ITGB2: variants seen among roughly 807,000 people sequenced by gnomAD.
The protein encoded by ITGB2 is integrin subunit beta 2.
ITGB2 carries 56 observed loss-of-function variants against 86.8 expected under a neutral mutation model. That is an observed-to-expected ratio of 0.65 (90% CI 0.52 to 0.81). The LOEUF (loss-of-function observed/expected upper bound fraction) is 0.81, where lower values mean the gene tolerates loss of function less well. Ranked by LOEUF, ITGB2 falls within the 30% of genes least tolerant of loss-of-function variation. The probability of loss-of-function intolerance (pLI) is 0.00; values close to 1 mark genes in which losing one functional copy is unlikely to be tolerated. For synonymous variants in ITGB2, 457 were observed against 450.4 expected (o/e 1.01, Z -0.19); for missense variants, 948 against 1,061.2 (o/e 0.89, Z 1.48).
chr21:44,894,784 C>T (rs2083839501), intron 9 of ITGB2, 187 bp downstream of exon 9: 1 of 651,806 alleles, frequency 1.5e-6, no homozygotes, highest in South Asian at 1.6e-5. Context: ...ACCCAGAGCT[C>T]CCCGTGGAAG....
intron 5 of ITGB2, among the ~76,000 whole-genome samples, 192 bp downstream of exon 5, chr21:44,903,173 C>G (rs955178969): frequency 6.6e-6 from 1 of 152,142 alleles, no homozygotes; most frequent in Non-Finnish European, 1.5e-5. Flanking sequence ...TGTTGGGGAG[C>G]CAGGGACTGG....
At chr21:44,907,599 C>G (rs962484082) in intron 3 of ITGB2, among the ~76,000 whole-genome samples, 1 of 152,258 alleles carries the variant, frequency 6.6e-6, no homozygotes, top group Non-Finnish European at 1.5e-5. Context: ...GGGCCCAGGG[C>G]GCTTTCCTCT....
intron 7 of ITGB2, 81 bp downstream of exon 7, chr21:44,900,239 T>C: frequency 6.4e-7 from 1 of 1,556,990 alleles, no homozygotes; most frequent in Non-Finnish European, 8.9e-7. Flanking sequence ...GGAGGCTCTG[T>C]CAGGTGGAGA....
intron 4 of ITGB2, among the ~76,000 whole-genome samples, chr21:44,903,950 G>C (rs2084004701): frequency 6.6e-6 from 1 of 152,136 alleles, no homozygotes; most frequent in African/African-American, 2.4e-5. Context: ...GCACTTCCCA[G>C]CAAGGCCCAC....
At chr21:44,908,573 CCCCTTAGAGTTGTAAG>C (rs988861860) in intron 3 of ITGB2, among the ~76,000 whole-genome samples, 4 of 151,996 alleles carry the variant, frequency 2.6e-5, no homozygotes, top group African/African-American at 9.7e-5. Flanking sequence ...TTCATGTGGA[CCCCTTAGAGTTGTAAG>C]CCCTTAAAAG....
intron 4 of ITGB2, 102 bp downstream of exon 4, chr21:44,906,813 C>A (rs945508697): frequency 3.4e-5 from 43 of 1,282,088 alleles, no homozygotes; most frequent in Non-Finnish European, 4.7e-5. Flanking sequence ...CGGACACATG[C>A]CTTCTGGGCA....
chr21:44,920,269 C>G (rs1055764190), intron 1 of ITGB2, among the ~76,000 whole-genome samples: 2 of 152,104 alleles, frequency 1.3e-5, no homozygotes, highest in African/African-American at 4.8e-5. Flanking sequence ...CGCTATGCCA[C>G]ACACGTGCAC....
chr21:44,902,587 G>A (rs936992384), intron 5 of ITGB2, among the ~76,000 whole-genome samples: 1 of 152,092 alleles, frequency 6.6e-6, no homozygotes, highest in African/African-American at 2.4e-5. Context: ...GCTTTTGTGT[G>A]TGAGCATGCA....
At chr21:44,920,434 G>A (rs536973982) in intron 1 of ITGB2, among the ~76,000 whole-genome samples, 3 of 152,324 alleles carry the variant, frequency 2.0e-5, no homozygotes, top group Admixed American at 1.3e-4. Flanking sequence ...AACACAGGCA[G>A]GCGCAGCAGG....
rs531705977 is a variant in ITGB2, at chr21:44,890,939, G to A, written c.1413-717C>T. ...GTGGGCGGGGTGGCCACTGAGGCAC[G>A]AGGACAGCAACAGAGACCACCAAGA... On this transcript the variant is annotated intron_variant, in intron 11 of 15. Transcript: ENST00000652462. Among the ~76,000 whole-genome samples, 54 of 152,196 alleles carry A rather than the reference G, an allele frequency of 3.5e-4. No homozygotes were observed. In the South Asian group the frequency reaches 7.7e-3, roughly 22 times the overall value.
chr21:44,891,514 G>T (rs1042703228), intron 11 of ITGB2, among the ~76,000 whole-genome samples: 5 of 152,216 alleles, frequency 3.3e-5, no homozygotes, highest in Non-Finnish European at 7.3e-5. Flanking sequence ...CCATCCTCTG[G>T]TGAGGGGGTC....
At chr21:44,898,928 G>A (rs2083907117) in intron 8 of ITGB2, 139 bp downstream of exon 8, 1 of 742,662 alleles carries the variant, frequency 1.3e-6, no homozygotes, top group South Asian at 1.5e-5. Context: ...TCACCTAGGG[G>A]GATCCAGGAC....
At chr21:44,917,207 T>C (rs1250536621) in intron 1 of ITGB2, among the ~76,000 whole-genome samples, 3 of 152,308 alleles carry the variant, frequency 2.0e-5, no homozygotes, top group Admixed American at 2.0e-4. Flanking sequence ...GTAAGATGCT[T>C]TGGCGGTTTC....
chr21:44,905,688 G>T (rs1301486812), intron 4 of ITGB2, among the ~76,000 whole-genome samples: 1 of 152,156 alleles, frequency 6.6e-6, no homozygotes. Flanking sequence ...GGGCAGCGAG[G>T]GGCAGGCCTG....
intron 3 of ITGB2, 71 bp downstream of exon 3, chr21:44,910,213 T>A: frequency 6.4e-7 from 1 of 1,571,588 alleles, no homozygotes; most frequent in Non-Finnish European, 8.7e-7. Context: ...TGGGTGCCAC[T>A]GGCTTCAGGG....
Position 44,886,902 on chromosome 21 carries a change from T to C in ITGB2, c.2081A>G (p.Glu694Gly), listed in dbSNP as rs752514082. The change falls in exon 15 of 16, where the codon GAG becomes GGG. Residue 694 changes from glutamate (E) to glycine (G), a missense_variant and splice_region_variant. Transcript: ENST00000652462. Reference sequence around the variant, plus strand: ...GGCGATGTTGGGGCCTGCCACACACTCTAGGGAAGAAGCAGCACACCTGAG... The same window carrying C: ...GGCGATGTTGGGGCCTGCCACACACCCTAGGGAAGAAGCAGCACACCTGAG... ...RYLIYVDESR[E>G]CVAGPNIAAI... 1.9e-6 allele frequency: 3 copies of C among 1,612,670 alleles called. No homozygotes were observed. Among genetic ancestry groups the C allele is most frequent in the Non-Finnish European group, 2.5e-6 (3 of 1,179,994 alleles).
intron 8 of ITGB2, among the ~76,000 whole-genome samples, chr21:44,896,733 C>T (rs907666435): frequency 1.3e-5 from 2 of 151,848 alleles, no homozygotes; most frequent in Non-Finnish European, 2.9e-5. Context: ...TCGGAGGGGG[C>T]GTGGCACGTG....
At chr21:44,896,501 C>T (rs959394981) in intron 8 of ITGB2, among the ~76,000 whole-genome samples, 3 of 152,230 alleles carry the variant, frequency 2.0e-5, no homozygotes, top group African/African-American at 7.2e-5. Context: ...ATGGTCGGGT[C>T]ACCTCCCCGC....
chr21:44,907,143 T>C, intron 3 of ITGB2, 48 bp from the exon 4 acceptor site: 1 of 1,424,560 alleles, frequency 7.0e-7, no homozygotes, highest in Non-Finnish European at 9.7e-7. Context: ...CTGCGGGACC[T>C]GCAGGAGGCT....
Sources: gnomAD v4.1 joint callset for allele counts (sites outside exome capture counted in the v4.1 genomes callset) on GRCh38, gnomAD v4.1.1 for gene constraint, MANE v1.5 for transcripts, NCBI Gene and HGNC (gene_info 2026-07-23, HGNC 2026-07-21) for gene names.